The following HDLBP variants were observed in gnomAD, a reference collection of about 807,000 sequenced individuals.
HDLBP encodes the protein vigilin.
Under a neutral mutation model 137.3 loss-of-function variants are expected in HDLBP, and 30 were observed. That is an observed-to-expected ratio of 0.22 (90% CI 0.16 to 0.30). HDLBP has a LOEUF of 0.30. Ranked by LOEUF, HDLBP falls within the 10% of genes least tolerant of loss-of-function variation. HDLBP has a pLI of 1.00. For synonymous variants in HDLBP, 606 were observed against 596.0 expected (o/e 1.02, Z -0.24); for missense variants, 1,119 against 1,667.3 (o/e 0.67, Z 5.73).
chr2:241,268,129 T>A (rs2073815668), intron 2 of HDLBP, among the ~76,000 whole-genome samples: 1 of 152,206 alleles, frequency 6.6e-6, no homozygotes. Context: ...GCATAATTTT[T>A]ATAACATAAT....
At chr2:241,232,125 A>G (rs1188455076) in intron 24 of HDLBP, among the ~76,000 whole-genome samples, 2 of 152,198 alleles carry the variant, frequency 1.3e-5, no homozygotes, top group Non-Finnish European at 2.9e-5. Context: ...CAGAGCTGAC[A>G]GCCTCAGGCA....
In HDLBP at chr2:241,238,809, AAAAAG is replaced by A; in HGVS notation, c.2611-27_2611-23del. The A allele has an allele frequency of 1.4e-6, 2 of 1,468,800 alleles. No individual in the cohort carries two copies. The highest frequency in any genetic ancestry group is 2.8e-5 in the South Asian group (2 of 70,226). 91.0% of individuals were successfully genotyped at this position (1,468,800 alleles called of 1,614,324 possible). ...CTTCCTGGAGGGAGGTACACAAAGA[AAAAAG>A]AAAAGAGCAAAGATTAAATTCCTTA... On this transcript the variant is annotated intron_variant, in intron 19 of 27. Transcript: ENST00000310931. This position sits in a 1 kb window ranked among gnomAD's most constrained non-coding sequence, Gnocchi z 4.9.
intron 1 of HDLBP, among the ~76,000 whole-genome samples, chr2:241,271,692 GTGCTT>G (rs577588294): frequency 1.0e-3 from 152 of 152,332 alleles, no homozygotes; most frequent in African/African-American, 3.5e-3. Flanking sequence ...AGACCCGCAA[GTGCTT>G]TAAAGCACCA....
chr2:241,280,858 GT>G (rs1005411843), intron 1 of HDLBP, among the ~76,000 whole-genome samples: 4 of 152,180 alleles, frequency 2.6e-5, no homozygotes, highest in Non-Finnish European at 5.9e-5. Context: ...GTATCTCACT[GT>G]TTGGGAATGC....
At chr2:241,273,497 C>A in intron 1 of HDLBP, 1 of 710,712 alleles carries the variant, frequency 1.4e-6, no homozygotes, top group Non-Finnish European at 1.7e-6. Flanking sequence ...GGAATCCCTA[C>A]TCTCGGGGTC....
intron 1 of HDLBP, among the ~76,000 whole-genome samples, chr2:241,283,474 C>T (rs865880577): frequency 0.019 from 2,716 of 142,144 alleles, 47 homozygotes; most frequent in Non-Finnish European, 0.024. Flanking sequence ...TAGATGGCTT[C>T]TTTTTTTTTT....
intron 12 of HDLBP, chr2:241,249,274 C>T (rs2071924500): frequency 2.1e-6 from 1 of 469,326 alleles, no homozygotes; most frequent in Non-Finnish European, 4.4e-6. Flanking sequence ...GGCCAAAGTG[C>T]TGCTGCAGGC....
chr2:241,309,970 C>T (rs1364676422), intron 1 of HDLBP, among the ~76,000 whole-genome samples: 2 of 152,062 alleles, frequency 1.3e-5, no homozygotes, highest in African/African-American at 4.8e-5. Flanking sequence ...CACAGTCAGC[C>T]ACAGACACAG....
chr2:241,278,634 A>C (rs1470751307), intron 1 of HDLBP, among the ~76,000 whole-genome samples: 1 of 152,166 alleles, frequency 6.6e-6, no homozygotes, highest in Non-Finnish European at 1.5e-5. Flanking sequence ...CCCATTCCTA[A>C]TAGCAACTAG....
chr2:241,252,625 G>A (rs1487253220), intron 11 of HDLBP, among the ~76,000 whole-genome samples: 1 of 152,202 alleles, frequency 6.6e-6, no homozygotes. Context: ...ACACTGATTG[G>A]CTAACCTAGC....
intron 1 of HDLBP, among the ~76,000 whole-genome samples, chr2:241,309,413 G>A (rs368817996): frequency 5.9e-5 from 9 of 152,224 alleles, no homozygotes; most frequent in African/African-American, 1.9e-4. Flanking sequence ...GATAGTAAAC[G>A]ATTTTTTCTT....
Position 241,235,112 on chromosome 2 carries a change from C to G in HDLBP, c.3144+9G>C. ...GCTCTGGGCAGTGCCCCGGCCACCT[C>G]CTGCTCACCCGGTCCTCCTGCTCGG... is the stretch of plus-strand genomic sequence containing the variant. On this transcript the variant is annotated intron_variant, in intron 23 of 27. Coordinates refer to ENST00000310931, the MANE Select transcript of HDLBP (RefSeq NM_005336.6). 6.2e-7 allele frequency: 1 copy of G among 1,611,782 alleles called. No homozygotes were observed. The highest frequency in any genetic ancestry group is 8.5e-7 in the Non-Finnish European group (1 of 1,179,780).
intron 1 of HDLBP, among the ~76,000 whole-genome samples, chr2:241,309,024 G>A (rs1401823207): frequency 2.0e-5 from 3 of 152,164 alleles, no homozygotes; most frequent in Admixed American, 2.0e-4. Flanking sequence ...CTGCCCCCGT[G>A]CTTTTCACCT....
chr2:241,281,392 G>A (rs991390887), intron 1 of HDLBP, among the ~76,000 whole-genome samples: 5 of 148,406 alleles, frequency 3.4e-5, no homozygotes, highest in East Asian at 2.0e-4. Context: ...ATGGTGGCAC[G>A]TGCCTGTAAT....
rs529838784 is a variant in HDLBP, at chr2:241,268,569, A to G, written c.-102-28T>C. On this transcript the variant is annotated intron_variant, in intron 1 of 27. Coordinates refer to ENST00000310931, the MANE Select transcript of HDLBP (RefSeq NM_005336.6). ...GGTATGGGATGGGAAGTGGGAGAGG[A>G]GAGAGAGGAAACCAGAGAAAAGTTA... The G allele has an allele frequency of 5.7e-6, 5 of 878,122 alleles. No individual in the cohort carries two copies. In the Admixed American group the frequency reaches 3.1e-4, roughly 54 times the overall value. 54.4% of individuals were successfully genotyped at this position (878,122 alleles called of 1,614,324 possible).
At chr2:241,255,661 G>T in intron 7 of HDLBP, 81 bp from the exon 8 acceptor site, 1 of 1,059,442 alleles carries the variant, frequency 9.4e-7, no homozygotes, top group African/African-American at 1.6e-5. Flanking sequence ...GCTGCAGAAA[G>T]CAAGCCAAAG....
rs746229374 is a variant in HDLBP at position 241,264,544 on chromosome 2, T to C, written c.138A>G (p.Pro46=). Residue 46 remains proline, a synonymous_variant, in exon 4 of 28, where the codon CCA becomes CCG. Transcript: ENST00000310931. ...DPPTYKDAFP[P]LPEKAACLES... Reference sequence around the variant, plus strand: ...CCAGGCAAGCAGCTTTCTCAGGAAGTGGAGGGAAGGCATCCTTGTAGGTTG... The same window carrying C: ...CCAGGCAAGCAGCTTTCTCAGGAAGCGGAGGGAAGGCATCCTTGTAGGTTG... 71 of 1,613,626 alleles carry C rather than the reference T, an allele frequency of 4.4e-5. No homozygotes were observed. Among genetic ancestry groups the C allele is most frequent in the Non-Finnish European group, 5.7e-5 (67 of 1,179,884 alleles).
chr2:241,241,631 T>C (rs1232056254), intron 17 of HDLBP, among the ~76,000 whole-genome samples: 3 of 94,448 alleles, frequency 3.2e-5, no homozygotes, highest in Non-Finnish European at 6.2e-5. Flanking sequence ...GGCGCTAATA[T>C]ACATGAGCTT....
intron 1 of HDLBP, among the ~76,000 whole-genome samples, chr2:241,290,946 G>A (rs2074996144): frequency 1.3e-5 from 2 of 152,138 alleles, no homozygotes; most frequent in African/African-American, 4.8e-5. Context: ...CATGAAAATG[G>A]CACTTATTCA....
Sources: allele counts gnomAD v4.1 joint callset (sites outside exome capture counted in the v4.1 genomes callset), GRCh38; gene constraint gnomAD v4.1.1; non-coding constraint Gnocchi (gnomAD v3.1); transcripts MANE v1.5; gene names NCBI Gene and HGNC (gene_info 2026-07-23, HGNC 2026-07-21).